DST: variants seen among roughly 807,000 people sequenced by gnomAD.
The protein encoded by DST is dystonin, also known as bullous pemphigoid antigen.
A neutral mutation model predicts 875.2 loss-of-function variants in DST; 253 were observed. The observed-to-expected ratio is 0.29, with a 90% CI of 0.26 to 0.32. The LOEUF is 0.32. DST is among the 10% of genes least tolerant of loss of function. DST has a pLI of 1.00. For missense variants in DST, 8,287 were observed against 9,111.6 expected, an observed-to-expected ratio of 0.91 and a Z score of 3.68; for synonymous variants, 3,124 against 3,197.1, an observed-to-expected ratio of 0.98 and a Z score of 0.77.
At chr6:56,497,112 T>C (rs1341461084) in intron 82 of DST, among the ~76,000 whole-genome samples, 2 of 151,944 alleles carry the variant, frequency 1.3e-5, no homozygotes, top group Non-Finnish European at 2.9e-5. Context: ...CATGTATACA[T>C]ATGTAACTAA....
intron 4 of DST, among the ~76,000 whole-genome samples, chr6:56,845,368 G>A (rs1276395607): frequency 1.3e-5 from 2 of 151,786 alleles, no homozygotes; most frequent in Non-Finnish European, 2.9e-5. Context: ...AAAAAATTGT[G>A]TACTCGTGGG....
chr6:56,618,068 G>A (rs765752435), intron 36 of DST: 1 of 1,614,100 alleles, frequency 6.2e-7, no homozygotes. Context: ...ATTGTTCAGG[G>A]CTTGGTCTCT....
intron 45 of DST, among the ~76,000 whole-genome samples, 189 bp from the exon 46 acceptor site, chr6:56,598,898 TAAAGA>T (rs1205856757): frequency 2.6e-5 from 4 of 152,072 alleles, no homozygotes; most frequent in African/African-American, 9.7e-5. Flanking sequence ...CAAACAATAT[TAAAGA>T]AAAGCATGAA....
intron 15 of DST, 22 bp downstream of exon 15, chr6:56,645,844 G>A: frequency 6.2e-7 from 1 of 1,607,822 alleles, no homozygotes; most frequent in Non-Finnish European, 8.5e-7. Context: ...GATATTCATG[G>A]CAGAAAACAC....
intron 2 of DST, among the ~76,000 whole-genome samples, chr6:56,913,932 C>A (rs1482073348): frequency 6.6e-6 from 1 of 152,158 alleles, no homozygotes; most frequent in Non-Finnish European, 1.5e-5. Flanking sequence ...AAAGTCTGCA[C>A]AAATTTTATC....
intron 90 of DST, among the ~76,000 whole-genome samples, chr6:56,479,799 G>A (rs572410290): frequency 2.6e-5 from 4 of 152,326 alleles, no homozygotes; most frequent in Non-Finnish European, 4.4e-5. Context: ...ACAGGGGCCT[G>A]AGAGTTGAAA....
At chr6:56,486,139 G>A (rs1481453136) in intron 87 of DST, among the ~76,000 whole-genome samples, 5 of 151,900 alleles carry the variant, frequency 3.3e-5, no homozygotes, top group Non-Finnish European at 7.4e-5. Context: ...CGAGGCGGGC[G>A]GATCACGAGG....
At chr6:56,794,035 T>A (rs1395366378) in intron 4 of DST, among the ~76,000 whole-genome samples, 1 of 152,204 alleles carries the variant, frequency 6.6e-6, no homozygotes, top group African/African-American at 2.4e-5. Flanking sequence ...AACATTTTAT[T>A]TTAATACAGG....
intron 92 of DST, among the ~76,000 whole-genome samples, chr6:56,475,382 T>G (rs910853284): frequency 6.9e-6 from 1 of 145,772 alleles, no homozygotes; most frequent in East Asian, 2.0e-4. Flanking sequence ...TGATGTCTTA[T>G]TAGGCTTTTA....
At chr6:56,881,344 A>G (rs1782123814) in intron 3 of DST, among the ~76,000 whole-genome samples, 1 of 151,968 alleles carries the variant, frequency 6.6e-6, no homozygotes, top group Admixed American at 6.6e-5. Flanking sequence ...TTGGTGAGAC[A>G]TGCCTGTAGT....
intron 4 of DST, among the ~76,000 whole-genome samples, chr6:56,807,980 A>T (rs2099755161): frequency 6.6e-6 from 1 of 152,230 alleles, no homozygotes; most frequent in Non-Finnish European, 1.5e-5. Flanking sequence ...TTCTGATAGA[A>T]AAAAATGTAC....
intron 90 of DST, among the ~76,000 whole-genome samples, chr6:56,479,956 C>A (rs1562261043): frequency 1.3e-5 from 2 of 152,096 alleles, no homozygotes; most frequent in Non-Finnish European, 2.9e-5. Flanking sequence ...ATGTTTTATT[C>A]TAATTTAAGT....
intron 4 of DST, among the ~76,000 whole-genome samples, chr6:56,775,881 A>T (rs2099678052): frequency 6.6e-6 from 1 of 152,248 alleles, no homozygotes; most frequent in South Asian, 2.1e-4. Flanking sequence ...CCTTCACACA[A>T]AAATCCAAAC....
chr6:56,860,058 A>G (rs1468149805), intron 3 of DST, among the ~76,000 whole-genome samples: 1 of 152,228 alleles, frequency 6.6e-6, no homozygotes, highest in Non-Finnish European at 1.5e-5. Context: ...ACAAATTAAC[A>G]GCAAACATGT....
intron 4 of DST, among the ~76,000 whole-genome samples, chr6:56,753,598 G>T (rs2099594348): frequency 6.6e-6 from 1 of 152,188 alleles, no homozygotes; most frequent in South Asian, 2.1e-4. Flanking sequence ...AGTGCTATTT[G>T]ATAGACTTAA....
chr6:56,862,334 A>T (rs1221946865), intron 3 of DST, among the ~76,000 whole-genome samples: 1 of 152,106 alleles, frequency 6.6e-6, no homozygotes, highest in Non-Finnish European at 1.5e-5. Flanking sequence ...GCTTGTTGCC[A>T]CCTTATTCCA....
Position 56,597,739 on chromosome 6 carries a change from C to T in DST, c.12195+1G>A. The T allele has an allele frequency of 6.2e-7, 1 of 1,612,838 alleles. No individual in the cohort carries two copies. Among genetic ancestry groups the T allele is most frequent in the Non-Finnish European group, 8.5e-7 (1 of 1,179,106 alleles). On this transcript the variant is annotated splice_donor_variant, in intron 47 of 103. Transcript: ENST00000680361. LOFTEE classifies it high-confidence loss of function. ...GATATCATATGTTTATAACAACACACCTTAACTTTCTGATATTGCTGATTC... is the reference window on the plus strand; with the variant it reads ...GATATCATATGTTTATAACAACACATCTTAACTTTCTGATATTGCTGATTC...
rs763288106 is a variant in DST at position 56,593,743 on chromosome 6, CCTTGCCACCGTCTCT to C, written c.12631_12645del (p.Arg4211_Lys4215del). 10 of 1,613,816 alleles carry C rather than the reference CCTTGCCACCGTCTCT, an allele frequency of 6.2e-6. No homozygotes were observed. The Admixed American group carries it at 1.0e-4, about 16-fold the overall frequency. ...TCTCTGTGGGTTGCAGAAGTATCAA[CCTTGCCACCGTCTCT>C]CTTGCTGCAAGATTTGGCAGCTTCC... On this transcript the variant is annotated inframe_deletion, in exon 48 of 104. Coordinates refer to ENST00000680361, the MANE Select transcript of DST (RefSeq NM_001374736.1).
chr6:56,704,775 A>T (rs1036240011), intron 5 of DST, among the ~76,000 whole-genome samples: 2 of 152,204 alleles, frequency 1.3e-5, no homozygotes, highest in Non-Finnish European at 2.9e-5. Flanking sequence ...AAACAGGTTC[A>T]AGGATGCCGA....
Sources: allele counts gnomAD v4.1 joint callset (sites outside exome capture counted in the v4.1 genomes callset), GRCh38; gene constraint gnomAD v4.1.1; transcripts MANE v1.5; gene names NCBI Gene and HGNC (gene_info 2026-07-23, HGNC 2026-07-21).